The following NUP133 variants were observed in gnomAD, a reference collection of about 807,000 sequenced individuals.
NUP133 encodes nucleoporin 133.
A neutral mutation model predicts 146.2 loss-of-function variants in NUP133; 66 were observed. The ratio of observed to expected loss-of-function variants is 0.45; its 90% CI spans 0.37 to 0.55. The LOEUF is 0.55. NUP133 is among the 20% of genes least tolerant of loss of function. The probability of loss-of-function intolerance (pLI) is 0.00; values close to 1 mark genes in which losing one functional copy is unlikely to be tolerated. For synonymous variants in NUP133, 521 were observed against 498.8 expected (o/e 1.04, Z -0.59); for missense variants, 1,277 against 1,374.8 (o/e 0.93, Z 1.12).
At chr1:229,452,481 TTTTGAG>T in intron 22 of NUP133, 38 bp downstream of exon 22, 2 of 1,487,176 alleles carry the variant, frequency 1.3e-6, no homozygotes, top group Admixed American at 1.7e-5. Context: ...ACCAAAAAGG[TTTTGAG>T]TTTAAGAAAT....
At chr1:229,444,667 T>G (rs1403573280) in intron 25 of NUP133, among the ~76,000 whole-genome samples, 1 of 151,240 alleles carries the variant, frequency 6.6e-6, no homozygotes, top group African/African-American at 2.4e-5. Context: ...GCCAATATGG[T>G]GAAACCCTGC....
chr1:229,492,217 C>T (rs1238213796), intron 8 of NUP133, among the ~76,000 whole-genome samples: 2 of 152,000 alleles, frequency 1.3e-5, no homozygotes, highest in Admixed American at 6.5e-5. Flanking sequence ...AGCAATTCTC[C>T]TGCCTCAGCC....
At chr1:229,495,622 C>G (rs1264333757) in intron 7 of NUP133, 57 bp from the exon 8 acceptor site, 2 of 1,258,610 alleles carry the variant, frequency 1.6e-6, no homozygotes, top group Admixed American at 1.8e-5. Flanking sequence ...TTTATTTTCA[C>G]CTTTATATCC....
chr1:229,448,532 T>G (rs929342336), intron 24 of NUP133, among the ~76,000 whole-genome samples: 4 of 152,222 alleles, frequency 2.6e-5, no homozygotes, highest in Non-Finnish European at 5.9e-5. Context: ...CACCCCTTGT[T>G]TAGCACATAA....
intron 3 of NUP133, among the ~76,000 whole-genome samples, chr1:229,501,101 A>G (rs115119304): frequency 1.3e-5 from 2 of 152,358 alleles, no homozygotes; most frequent in Admixed American, 6.5e-5. Context: ...AAGAACAACT[A>G]TCCTAACCTC....
intron 12 of NUP133, among the ~76,000 whole-genome samples, chr1:229,482,939 C>T (rs937137064): frequency 2.6e-5 from 4 of 152,188 alleles, no homozygotes; most frequent in African/African-American, 9.7e-5. Context: ...GAGCAGCCAG[C>T]CCAGCTGCAG....
At chr1:229,447,547 GAAAAAGC>G (rs1660328257) in intron 24 of NUP133, among the ~76,000 whole-genome samples, 1 of 151,798 alleles carries the variant, frequency 6.6e-6, no homozygotes, top group Non-Finnish European at 1.5e-5. Flanking sequence ...CTGGTCACCA[GAAAAAGC>G]ATAATTAGAG....
Position 229,489,959 on chromosome 1 carries a change from A to T in NUP133, c.1190T>A (p.Phe397Tyr). 1 of 1,587,608 alleles carries T rather than the reference A, an allele frequency of 6.3e-7. No individual in the cohort carries two copies. Among genetic ancestry groups the T allele is most frequent in the South Asian group, 1.2e-5 (1 of 86,658 alleles). ...TTTAACCAATATAAATCTTACCTGAAAAGGTGGATTATATTGAGTGACTTC... is the reference window on the plus strand; with the variant it reads ...TTTAACCAATATAAATCTTACCTGATAAGGTGGATTATATTGAGTGACTTC... ...TVEVTQYNPP[F>Y]QSEDLILCQL... The change falls in exon 9 of 26, where the codon TTT becomes TAT. Residue 397 changes from phenylalanine to tyrosine, a missense_variant. Physicochemically the swap from Phe to Tyr is conservative, Grantham distance 22. Transcript: ENST00000261396.
At chr1:229,484,840 T>C (rs1259881863) in intron 11 of NUP133, among the ~76,000 whole-genome samples, 1 of 152,150 alleles carries the variant, frequency 6.6e-6, no homozygotes, top group East Asian at 1.9e-4. Context: ...ATACAAGGTA[T>C]TTTGTACTTT....
chr1:229,496,026 T>C lies in NUP133; in HGVS notation c.841A>G (p.Arg281Gly). 1 of 1,591,596 alleles carries C rather than the reference T, an allele frequency of 6.3e-7. No individual in the cohort carries two copies. The highest frequency in any genetic ancestry group is 8.5e-7 in the Non-Finnish European group (1 of 1,173,272). The change falls in exon 7 of 26, where the codon AGA becomes GGA. Residue 281 changes from arginine (R) to glycine (G), a missense_variant. Around this residue, in one of 3 missense-constraint regions of NUP133, gnomAD observed 952 missense variants for 1,047.0 expected, o/e 0.91. Transcript: ENST00000261396. ...DLTLSSVLWD[R>G]ERSSFYSLTS... ...AGGCTATAAAAGCTTGATCTCTCTC[T>C]ATCCCAGAGAACACTTGAAAGCTAT... is the stretch of plus-strand genomic sequence containing the variant.
In NUP133 at chr1:229,444,326, G is replaced by A. The variant is rs536831938; in HGVS notation, c.3334+588C>T. Reference sequence around the variant, plus strand: ...AGCCTGGGCAACAGAATGAGACTCCGTCTCAAAAAAAAGAAAAAAAAAAGT... The same window carrying A: ...AGCCTGGGCAACAGAATGAGACTCCATCTCAAAAAAAAGAAAAAAAAAAGT... On this transcript the variant is annotated intron_variant, in intron 25 of 25. Transcript: ENST00000261396. 1.2e-4 allele frequency among the ~76,000 whole-genome samples: 18 copies of A among 151,436 alleles called. No individual in the cohort carries two copies. The Middle Eastern group carries it at 0.014, about 114-fold the overall frequency.
chr1:229,470,830 T>G, intron 14 of NUP133, 26 bp from the exon 15 acceptor site: 1 of 1,600,456 alleles, frequency 6.2e-7, no homozygotes, highest in Non-Finnish European at 8.6e-7. Context: ...ACACATATTC[T>G]CAGAAAGCAA....
intron 4 of NUP133, among the ~76,000 whole-genome samples, chr1:229,500,026 A>G (rs1661757990): frequency 1.3e-5 from 2 of 152,192 alleles, no homozygotes; most frequent in African/African-American, 4.8e-5. Flanking sequence ...CCATCCTTAT[A>G]TCCTCACTAA....
At position 229,475,639 on chromosome 1, in the gene NUP133, T is replaced by C; in HGVS notation, c.1850A>G (p.Gln617Arg). ...GTGCCCAGCACCCTGCGCTCTTACTTGATGAATAAAGTCCATAAGAAAAGA... is the reference window on the plus strand; with the variant it reads ...GTGCCCAGCACCCTGCGCTCTTACTCGATGAATAAAGTCCATAAGAAAAGA... Reference protein sequence around the residue: ...AHSFLMDFIHQVGLFGRLGSF... With the variant: ...AHSFLMDFIHRVGLFGRLGSF... Residue 617 changes from glutamine (Q) to arginine (R), a missense_variant and splice_region_variant, in exon 14 of 26, where the codon CAA (glutamine) becomes CGA (arginine). By Grantham distance (43) the Gln-to-Arg change is conservative. Transcript: ENST00000261396. 1.9e-6 allele frequency: 3 copies of C among 1,612,894 alleles called. No individual in the cohort carries two copies. Among genetic ancestry groups the C allele is most frequent in the Non-Finnish European group, 2.5e-6 (3 of 1,178,824 alleles).
intron 21 of NUP133, among the ~76,000 whole-genome samples, chr1:229,455,139 C>T (rs1246094527): frequency 6.6e-6 from 1 of 152,166 alleles, no homozygotes; most frequent in Non-Finnish European, 1.5e-5. Flanking sequence ...AAAAAAATGA[C>T]AGCAGTATAA....
At position 229,472,707 on chromosome 1, in the gene NUP133, C is replaced by CATACATACATATATATATATAT. The variant is rs58951309; in HGVS notation, c.1852-1904_1852-1903insATATATATATATATGTATGTAT. ...CAAAAAAATTAAAAAACTAAATATA[C>CATACATACATATATATATATAT]ATATATATATATATATATATGTACA... is the stretch of plus-strand genomic sequence containing the variant. On this transcript the variant is annotated intron_variant, in intron 14 of 25. Transcript: ENST00000261396. Among the ~76,000 whole-genome samples, 14 of 124,310 alleles carry CATACATACATATATATATATAT rather than the reference C, an allele frequency of 1.1e-4. 1 individual carries two copies. The highest frequency in any genetic ancestry group is 4.4e-4 in the African/African-American group (14 of 31,984). 81.6% of individuals were successfully genotyped at this position (124,310 alleles called of 152,430 possible).
intron 8 of NUP133, among the ~76,000 whole-genome samples, chr1:229,490,950 T>TAAAA: frequency 7.4e-6 from 1 of 135,448 alleles, no homozygotes; most frequent in Non-Finnish European, 1.6e-5. Context: ...CACCCCATCT[T>TAAAA]AAAAAAAAAA....
In NUP133 at chr1:229,477,750, C is replaced by T. The variant is rs759020847; in HGVS notation, c.1603G>A (p.Gly535Ser). The T allele has an allele frequency of 3.7e-6, 6 of 1,604,260 alleles. No individual in the cohort carries two copies. Among genetic ancestry groups the T allele is most frequent in the Non-Finnish European group, 5.1e-6 (6 of 1,174,980 alleles). Reference sequence around the variant, plus strand: ...TCATCAACCACCATTTGAGCATGACCTAAATCTTTTCTGAAATAAAATTGG... The same window carrying T: ...TCATCAACCACCATTTGAGCATGACTTAAATCTTTTCTGAAATAAAATTGG... ...AFLQYCRKDL[G>S]HAQMVVDELF... The change falls in exon 13 of 26, where the codon GGT becomes AGT. Residue 535 changes from glycine (G) to serine (S), a missense_variant. Coordinates refer to ENST00000261396, the MANE Select transcript of NUP133 (RefSeq NM_018230.3).
At position 229,441,276 on chromosome 1, in the gene NUP133, T is replaced by C. The variant is rs1360944935; in HGVS notation, c.*628A>G. On this transcript the variant is annotated 3_prime_UTR_variant, in exon 26 of 26. Coordinates refer to ENST00000261396, the MANE Select transcript of NUP133 (RefSeq NM_018230.3). ...TTTCTAGATAGGTTAGAAAACCACA[T>C]AAACGTTTCATTCACTAAAATACTT... The C allele has an allele frequency of 2.7e-6, 1 of 376,098 alleles. No individual in the cohort carries two copies. Among genetic ancestry groups the C allele is most frequent in the African/African-American group, 2.1e-5 (1 of 47,442 alleles). 23.3% of individuals were successfully genotyped at this position (376,098 alleles called of 1,614,324 possible). A position where few individuals can be genotyped will look rare whatever the true frequency, so the allele number is the denominator to read the frequency against.
Sources: gnomAD v4.1 joint callset for allele counts (sites outside exome capture counted in the v4.1 genomes callset) on GRCh38, gnomAD v4.1.1 for gene constraint, gnomAD v4.1.1 regional missense constraint, MANE v1.5 for transcripts, NCBI Gene and HGNC (gene_info 2026-07-23, HGNC 2026-07-21) for gene names.